Variants in HERC1 observed in about 807,000 individuals in gnomAD.
The protein encoded by HERC1 is HECT and RLD domain containing E3 ubiquitin protein ligase family member 1.
HERC1 carries 160 observed loss-of-function variants against 554.3 expected under a neutral mutation model. That is an observed-to-expected ratio of 0.29 (90% CI 0.25 to 0.33). The LOEUF (loss-of-function observed/expected upper bound fraction) is 0.33. Among genes scored for constraint, HERC1 ranks in the 10% least tolerant of loss-of-function variants. HERC1 has a pLI of 1.00. For missense variants in HERC1, 4,919 were observed against 5,918.5 expected (o/e 0.83, Z 5.54); for synonymous variants, 2,175 against 2,131.7 (o/e 1.02, Z -0.56).
intron 25 of HERC1, among the ~76,000 whole-genome samples, chr15:63,706,432 G>A (rs1461434805): frequency 2.6e-5 from 4 of 151,974 alleles, no homozygotes; most frequent in African/African-American, 4.8e-5. Context: ...GCTAAAACAT[G>A]GAAAATTTTG....
chr15:63,782,503 T>C (rs1052072133), intron 1 of HERC1, among the ~76,000 whole-genome samples: 1 of 152,212 alleles, frequency 6.6e-6, no homozygotes, highest in Non-Finnish European at 1.5e-5. Context: ...TTTCAAAACA[T>C]TACTGTTCAC....
At position 63,678,230 on chromosome 15, in the gene HERC1, A is replaced by G; in HGVS notation, c.6685T>C (p.Trp2229Arg). ...ATTTTTTTGTTAATGCAGTAAGTCCAACGGTCTGTTCGGTGAAGGATACGG... is the reference window on the plus strand; with the variant it reads ...ATTTTTTTGTTAATGCAGTAAGTCCGACGGTCTGTTCGGTGAAGGATACGG... The part of the protein sequence containing the change: ...LIRILHRTDR[W>R]TYCINKKMME... Residue 2229 changes from tryptophan to arginine, a missense_variant, in exon 37 of 78, where the codon TGG (tryptophan) becomes CGG (arginine). By Grantham distance (101) the Trp-to-Arg change is moderately radical. Transcript: ENST00000443617. 6.2e-7 allele frequency: 1 copy of G among 1,613,864 alleles called. No homozygotes were observed. Among genetic ancestry groups the G allele is most frequent in the Non-Finnish European group, 8.5e-7 (1 of 1,179,850 alleles).
intron 22 of HERC1, among the ~76,000 whole-genome samples, chr15:63,715,578 T>C (rs1161363532): frequency 1.3e-5 from 2 of 152,194 alleles, no homozygotes; most frequent in Non-Finnish European, 2.9e-5. Flanking sequence ...GATAATAAAG[T>C]TAGGGCCAAG....
rs1198844672 is a variant in HERC1, at chr15:63,638,468, T to G, written c.12036A>C (p.Glu4012Asp). 1 of 1,613,822 alleles carries G rather than the reference T, an allele frequency of 6.2e-7. No homozygotes were observed. The highest frequency in any genetic ancestry group is 1.3e-5 in the African/African-American group (1 of 74,932). Reference sequence around the variant, plus strand: ...CAGGTACCATTACATTTCTTCCAGCTTCTGCCAGCTGTCCATGCCTACCAG... The same window carrying G: ...CAGGTACCATTACATTTCTTCCAGCGTCTGCCAGCTGTCCATGCCTACCAG... Reference protein sequence around the residue: ...WGAGRHGQLAEAGRNVMVPAA... With the variant: ...WGAGRHGQLADAGRNVMVPAA... The change falls in exon 63 of 78, where the codon GAA (glutamate) becomes GAC (aspartate). Residue 4012 changes from glutamate (E) to aspartate (D), a missense_variant. Physicochemically the swap from Glu to Asp is conservative, Grantham distance 45. This residue lies in a region of HERC1 where 122 missense variants were observed against 195.2 expected (regional missense o/e 0.63). Transcript: ENST00000443617.
intron 65 of HERC1, among the ~76,000 whole-genome samples, chr15:63,635,503 A>C (rs2068742857): frequency 6.6e-6 from 1 of 152,234 alleles, no homozygotes; most frequent in Admixed American, 6.5e-5. Context: ...TGAGATAATA[A>C]ATGGGGAAAT....
rs760296771 is a variant in HERC1 at position 63,628,695 on chromosome 15, C to T, written c.13087G>A (p.Val4363Ile). Residue 4363 changes from valine to isoleucine, a missense_variant, in exon 70 of 78, where the codon GTC becomes ATC. By Grantham distance (29) the Val-to-Ile change is conservative (BLOSUM62 3). Around this residue, in one of 11 missense-constraint regions of HERC1, gnomAD observed 410 missense variants for 467.0 expected, o/e 0.88. Coordinates refer to ENST00000443617, the MANE Select transcript of HERC1 (RefSeq NM_003922.4). ...TCCTCACCTGGTGCTCTTGGTGGGA[C>T]AGGTGGTGCTGTCCATGCAGCACTG... ...CHSAAWTAPP[V>I]PPRAPGVSVP... 3 of 1,610,692 alleles carry T rather than the reference C, an allele frequency of 1.9e-6. No individual in the cohort carries two copies. In the South Asian group the frequency reaches 3.3e-5, roughly 18 times the overall value.
chr15:63,819,506 C>T (rs894116188), intron 1 of HERC1, among the ~76,000 whole-genome samples: 1 of 152,182 alleles, frequency 6.6e-6, no homozygotes, highest in Admixed American at 6.5e-5. Flanking sequence ...AGAAAAGCTT[C>T]GTATTTCAAG....
rs150884843 is a variant in HERC1 at position 63,821,766 on chromosome 15, T to C, written c.-27+12061A>G. Among the ~76,000 whole-genome samples the C allele has an allele frequency of 1.3e-4, 20 of 149,618 alleles. No individual in the cohort carries two copies. The East Asian group carries it at 3.9e-3, about 29-fold the overall frequency. ...AAAAAAAAAATCAGATAATCTAATT[T>C]AGAGACAGTTTTACTCCACAGACAA... On this transcript the variant is annotated intron_variant, in intron 1 of 77. Transcript: ENST00000443617.
chr15:63,688,121 C>T (rs939729496), intron 33 of HERC1, among the ~76,000 whole-genome samples: 1 of 152,120 alleles, frequency 6.6e-6, no homozygotes, highest in Non-Finnish European at 1.5e-5. Context: ...AGATAGAACA[C>T]TTAGAAGGTT....
intron 40 of HERC1, 100 bp from the exon 41 acceptor site, chr15:63,666,572 A>T: frequency 1.4e-6 from 1 of 729,460 alleles, no homozygotes; most frequent in Non-Finnish European, 2.3e-6. Context: ...GTCCAAGTTT[A>T]ATGAAATTTT....
intron 37 of HERC1, among the ~76,000 whole-genome samples, chr15:63,676,145 G>A (rs774187847): frequency 1.3e-4 from 20 of 152,094 alleles, no homozygotes; most frequent in Non-Finnish European, 2.6e-4. Flanking sequence ...CAGGTGATCT[G>A]CCTGCCTCTG....
intron 24 of HERC1, among the ~76,000 whole-genome samples, chr15:63,709,208 G>A (rs907346296): frequency 6.6e-6 from 1 of 151,334 alleles, no homozygotes; most frequent in Non-Finnish European, 1.5e-5. Context: ...ATGTTCCCAG[G>A]CTGGTCTTGA....
chr15:63,672,474 C>T, intron 39 of HERC1, 22 bp downstream of exon 39: 1 of 1,544,502 alleles, frequency 6.5e-7, no homozygotes, highest in Non-Finnish European at 8.8e-7. Flanking sequence ...GTATGGCAGA[C>T]ATTAAAGGTC....
intron 1 of HERC1, among the ~76,000 whole-genome samples, chr15:63,816,867 A>G (rs1403054703): frequency 2.6e-5 from 4 of 152,246 alleles, no homozygotes; most frequent in African/African-American, 7.2e-5. Context: ...TGAATTAAGA[A>G]GTCTAAGCAA....
intron 73 of HERC1, 54 bp from the exon 74 acceptor site, chr15:63,622,945 G>C: frequency 9.2e-7 from 1 of 1,088,438 alleles, no homozygotes; most frequent in Non-Finnish European, 1.3e-6. Flanking sequence ...TGCATGAAGA[G>C]AACAAACCAA....
chr15:63,769,593 C>T (rs943834157), intron 2 of HERC1, among the ~76,000 whole-genome samples: 1 of 152,070 alleles, frequency 6.6e-6, no homozygotes, highest in African/African-American at 2.4e-5. Flanking sequence ...GTGGCTCACG[C>T]CTGTAATCTC....
chr15:63,751,564 G>C (rs1023251745), intron 8 of HERC1, among the ~76,000 whole-genome samples: 1 of 152,138 alleles, frequency 6.6e-6, no homozygotes, highest in African/African-American at 2.4e-5. Context: ...TGCCTTTAGA[G>C]ACTGGACCAT....
chr15:63,618,957 T>G (rs1406303425), intron 74 of HERC1, among the ~76,000 whole-genome samples: 1 of 152,204 alleles, frequency 6.6e-6, no homozygotes, highest in Non-Finnish European at 1.5e-5. Flanking sequence ...ACAATTTGAC[T>G]TCCTCTTTTC....
intron 2 of HERC1, among the ~76,000 whole-genome samples, chr15:63,772,967 T>G (rs1340133867): frequency 6.6e-6 from 1 of 152,226 alleles, no homozygotes; most frequent in Non-Finnish European, 1.5e-5. Flanking sequence ...TAAATGTCCC[T>G]GGTTTGAAAA....
Sources: gnomAD v4.1 joint callset for allele counts (sites outside exome capture counted in the v4.1 genomes callset) on GRCh38, gnomAD v4.1.1 for gene constraint, gnomAD v4.1.1 regional missense constraint, MANE v1.5 for transcripts, NCBI Gene and HGNC (gene_info 2026-07-23, HGNC 2026-07-21) for gene names.